Variants in WDR7 observed in about 807,000 individuals in gnomAD.
WDR7 encodes the protein WD repeat domain 7.
A neutral mutation model predicts 169.4 loss-of-function variants in WDR7; 46 were observed. That is an observed-to-expected ratio of 0.27 (90% CI 0.21 to 0.35). The LOEUF (loss-of-function observed/expected upper bound fraction) is 0.35, where lower values mean the gene tolerates loss of function less well. WDR7 is among the 10% of genes least tolerant of loss of function. The pLI, the probability that WDR7 is intolerant of heterozygous loss-of-function variation, is 1.00. For missense variants in WDR7, 1,534 were observed against 1,859.3 expected (o/e 0.83, Z 3.22); for synonymous variants, 612 against 666.8 (o/e 0.92, Z 1.27).
At chr18:56,776,712 C>T (rs1472349242) in intron 16 of WDR7, 70 bp from the exon 17 acceptor site, 2 of 1,372,890 alleles carry the variant, frequency 1.5e-6, no homozygotes, top group African/African-American at 1.4e-5. Flanking sequence ...TTCACTAATA[C>T]TAAGCTTTTT....
intron 18 of WDR7, among the ~76,000 whole-genome samples, chr18:56,780,325 C>T (rs2044298519): frequency 6.6e-6 from 1 of 152,080 alleles, no homozygotes; most frequent in Non-Finnish European, 1.5e-5. Context: ...ATCCAGGATT[C>T]TTAATTTTCC....
At chr18:56,710,930 C>T (rs2026073071) in intron 12 of WDR7, among the ~76,000 whole-genome samples, 1 of 152,032 alleles carries the variant, frequency 6.6e-6, no homozygotes. Context: ...AATCTTTGTC[C>T]AAGTTGACAG....
chr18:56,931,454 A>G (rs2046883002), intron 22 of WDR7, among the ~76,000 whole-genome samples: 1 of 152,210 alleles, frequency 6.6e-6, no homozygotes, highest in African/African-American at 2.4e-5. Context: ...TCAGTCCAAT[A>G]GCTAGCTTAA....
intron 26 of WDR7, among the ~76,000 whole-genome samples, chr18:57,009,552 G>T (rs2048109904): frequency 6.6e-6 from 1 of 152,076 alleles, no homozygotes; most frequent in Non-Finnish European, 1.5e-5. Flanking sequence ...TTTAATAAGT[G>T]GAAGAGGCAT....
chr18:56,671,837 A>G (rs933521666), intron 1 of WDR7, among the ~76,000 whole-genome samples: 1 of 152,212 alleles, frequency 6.6e-6, no homozygotes, highest in Non-Finnish European at 1.5e-5. Context: ...TGGAGTTTAT[A>G]TATGTACTTA....
At chr18:56,824,931 C>G (rs1385235187) in intron 20 of WDR7, among the ~76,000 whole-genome samples, 1 of 152,196 alleles carries the variant, frequency 6.6e-6, no homozygotes, top group African/African-American at 2.4e-5. Flanking sequence ...TTGGGATGTG[C>G]TATTGGAATT....
intron 16 of WDR7, among the ~76,000 whole-genome samples, chr18:56,759,188 C>CT (rs2144956117): frequency 6.6e-6 from 1 of 152,184 alleles, no homozygotes; most frequent in East Asian, 1.9e-4. Context: ...TGTCTTTGGA[C>CT]TAATTTTTAT....
intron 20 of WDR7, among the ~76,000 whole-genome samples, chr18:56,829,754 T>C (rs539278723): frequency 4.6e-5 from 7 of 152,312 alleles, no homozygotes; most frequent in Admixed American, 2.6e-4. Flanking sequence ...TATTAAGAAC[T>C]GTGATATAAA....
intron 12 of WDR7, among the ~76,000 whole-genome samples, chr18:56,714,709 C>T (rs575039054): frequency 6.6e-5 from 10 of 152,056 alleles, no homozygotes; most frequent in South Asian, 2.1e-4. Context: ...CCACTGTGCC[C>T]GGCCTGGACC....
At chr18:56,879,338 A>G (rs527275879) in intron 20 of WDR7, among the ~76,000 whole-genome samples, 3 of 152,244 alleles carry the variant, frequency 2.0e-5, no homozygotes, top group African/African-American at 7.2e-5. Flanking sequence ...GTGGTATCTC[A>G]TTGTGGTTTT....
At chr18:57,032,804 T>TATATATATATAC (rs1231767190), downstream of WDR7, 116 of 11,068 alleles carry the variant, frequency 0.01, 2 homozygotes, top group African/African-American at 0.039. Context: ...AATTATTTTA[T>TATATATATATAC]ATATATATAT....
chr18:56,803,890 C>T (rs577338346), intron 19 of WDR7, among the ~76,000 whole-genome samples: 12 of 152,268 alleles, frequency 7.9e-5, no homozygotes, highest in African/African-American at 1.4e-4. Flanking sequence ...CAGCCTTTAC[C>T]GCCCAAGCAA....
intron 12 of WDR7, among the ~76,000 whole-genome samples, chr18:56,706,646 C>T (rs1460914496): frequency 1.3e-5 from 2 of 151,976 alleles, no homozygotes; most frequent in South Asian, 2.1e-4. Flanking sequence ...TTTGTACGTT[C>T]ATTTTCAGTA....
intron 25 of WDR7, among the ~76,000 whole-genome samples, chr18:56,945,183 G>A (rs78671843): frequency 0.027 from 4,067 of 152,286 alleles, 83 homozygotes; most frequent in African/African-American, 0.06. Flanking sequence ...AATAGGAGTA[G>A]GAAAGCAAGA....
chr18:56,769,682 T>A (rs2044122750), intron 16 of WDR7, among the ~76,000 whole-genome samples: 1 of 152,216 alleles, frequency 6.6e-6, no homozygotes, highest in African/African-American at 2.4e-5. Context: ...TATGTTATGT[T>A]CTTTGCAACT....
chr18:56,660,752 T>C (rs549400690), intron 1 of WDR7, among the ~76,000 whole-genome samples: 1 of 151,166 alleles, frequency 6.6e-6, no homozygotes, highest in South Asian at 2.1e-4. Context: ...TGAGGCCAGG[T>C]AAAGAAGTAT....
intron 1 of WDR7, among the ~76,000 whole-genome samples, chr18:56,663,949 G>A (rs2024965684): frequency 6.6e-6 from 1 of 152,012 alleles, no homozygotes; most frequent in Non-Finnish European, 1.5e-5. Context: ...ACGTGTCTAG[G>A]TAGAGGAAAG....
chr18:56,764,428 C>CA (rs2044029370), intron 16 of WDR7, among the ~76,000 whole-genome samples: 1 of 152,044 alleles, frequency 6.6e-6, no homozygotes, highest in Non-Finnish European at 1.5e-5. Flanking sequence ...GGGCCAATAA[C>CA]ATTGCGTACA....
At chr18:56,880,257 T>G (rs2046086749) in intron 21 of WDR7, 92 bp downstream of exon 21, 1 of 1,247,016 alleles carries the variant, frequency 8.0e-7, no homozygotes, top group Non-Finnish European at 1.1e-6. Context: ...ATCCTGAGTT[T>G]TAGCTCATTT....
Sources: allele counts gnomAD v4.1 joint callset (sites outside exome capture counted in the v4.1 genomes callset), GRCh38; gene constraint gnomAD v4.1.1; transcripts MANE v1.5; gene names NCBI Gene and HGNC (gene_info 2026-07-23, HGNC 2026-07-21).